FSTL4: variants seen among roughly 807,000 people sequenced by gnomAD.
FSTL4 encodes follistatin like 4.
In FSTL4, 28 loss-of-function variants were observed where a neutral mutation model predicts 78.2. That is an observed-to-expected ratio of 0.36 (90% CI 0.27 to 0.49). The LOEUF (loss-of-function observed/expected upper bound fraction) is 0.49, where lower values mean the gene tolerates loss of function less well. Among genes scored for constraint, FSTL4 ranks in the 20% least tolerant of loss-of-function variants. FSTL4 has a pLI of 0.98. For missense variants in FSTL4, 922 were observed against 1,084.9 expected, an observed-to-expected ratio of 0.85 and a Z score of 2.11; for synonymous variants, 422 against 440.5, an observed-to-expected ratio of 0.96 and a Z score of 0.53.
the FSTL4 span, among the ~76,000 whole-genome samples, chr5:133,753,901 A>C: frequency 6.6e-6 from 1 of 152,178 alleles, no homozygotes; most frequent in Non-Finnish European, 1.5e-5. Context: ...TTCAAGTCCC[A>C]GTTATGCCCC....
chr5:133,245,703 C>T (rs1752020956), intron 7 of FSTL4, among the ~76,000 whole-genome samples: 1 of 152,164 alleles, frequency 6.6e-6, no homozygotes, highest in Non-Finnish European at 1.5e-5. Context: ...TGATGACTCC[C>T]CATGTACGCC....
chr5:133,777,572 G>A, the FSTL4 span, among the ~76,000 whole-genome samples: 3 of 152,132 alleles, frequency 2.0e-5, no homozygotes, highest in African/African-American at 7.2e-5. Flanking sequence ...GACAATCACT[G>A]TTTTCAGTTT....
At chr5:133,757,789 A>C in the FSTL4 span, among the ~76,000 whole-genome samples, 3 of 152,178 alleles carry the variant, frequency 2.0e-5, no homozygotes, top group African/African-American at 7.2e-5. Flanking sequence ...TTTCCACATA[A>C]ATTTGAATGT....
intron 3 of FSTL4, among the ~76,000 whole-genome samples, chr5:133,461,667 C>T (rs554487357): frequency 6.6e-6 from 1 of 152,286 alleles, no homozygotes; most frequent in Non-Finnish European, 1.5e-5. Flanking sequence ...ATATTTTTCA[C>T]TCCAGTGACC....
the FSTL4 span, among the ~76,000 whole-genome samples, chr5:133,661,526 T>C: frequency 2.3e-3 from 347 of 152,352 alleles, 1 homozygote; most frequent in African/African-American, 7.8e-3. Context: ...GTGTCAGCAT[T>C]AAACATTAGT....
At chr5:133,403,704 T>C (rs149494734) in intron 3 of FSTL4, among the ~76,000 whole-genome samples, 6 of 152,224 alleles carry the variant, frequency 3.9e-5, no homozygotes, top group Non-Finnish European at 8.8e-5. Flanking sequence ...AAGATGGATG[T>C]CCGTGGAGGT....
At chr5:133,756,723 G>C in the FSTL4 span, among the ~76,000 whole-genome samples, 2 of 152,156 alleles carry the variant, frequency 1.3e-5, no homozygotes, top group South Asian at 4.1e-4. Flanking sequence ...CATTGGTGCT[G>C]TCTGGACATA....
At chr5:133,768,739 G>T in the FSTL4 span, among the ~76,000 whole-genome samples, 33 of 152,334 alleles carry the variant, frequency 2.2e-4, no homozygotes, top group Admixed American at 8.5e-4. Flanking sequence ...CAGCAGAAAG[G>T]TTACCCTGAA....
rs56209403 is a variant in FSTL4, at chr5:133,287,387, C to CAAA, written c.727+25264_727+25266dup. Reference sequence around the variant, plus strand: ...TGGGTGACAGAGCGAGACTCCATCTCAAAAAAAAAAAAAAAAATGCTTTGT... The same window carrying CAAA: ...TGGGTGACAGAGCGAGACTCCATCTCAAAAAAAAAAAAAAAAAAAATGCTTTGT... On this transcript the variant is annotated intron_variant, in intron 6 of 15. Coordinates refer to ENST00000265342, the MANE Select transcript of FSTL4 (RefSeq NM_015082.2). Among the ~76,000 whole-genome samples the CAAA allele has an allele frequency of 9.3e-4, 96 of 103,076 alleles. 3 individuals are homozygous for CAAA. The highest frequency in any genetic ancestry group is 2.4e-3 in the African/African-American group (78 of 31,912). 67.6% of individuals were successfully genotyped at this position (103,076 alleles called of 152,430 possible). A position where few individuals can be genotyped will look rare whatever the true frequency, so the allele number is the denominator to read the frequency against.
chr5:133,439,331 CG>C (rs1439656178), intron 3 of FSTL4, among the ~76,000 whole-genome samples: 6 of 152,042 alleles, frequency 3.9e-5, no homozygotes, highest in Non-Finnish European at 8.8e-5. Flanking sequence ...TTGACATGAC[CG>C]GGCCCAAACT....
intron 2 of FSTL4, among the ~76,000 whole-genome samples, chr5:133,571,089 G>C (rs1298584325): frequency 6.6e-6 from 1 of 151,478 alleles, no homozygotes; most frequent in African/African-American, 2.4e-5. Flanking sequence ...AAGTTAAAAA[G>C]TAGCCTTGAA....
At chr5:133,366,342 T>C in intron 4 of FSTL4, among the ~76,000 whole-genome samples, 1 of 152,198 alleles carries the variant, frequency 6.6e-6, no homozygotes, top group Admixed American at 6.5e-5. Context: ...CTTTTCTTTA[T>C]GGTCTTTACC....
At chr5:133,333,227 AG>A (rs1213517395) in intron 4 of FSTL4, among the ~76,000 whole-genome samples, 1 of 152,186 alleles carries the variant, frequency 6.6e-6, no homozygotes, top group African/African-American at 2.4e-5. Flanking sequence ...GCAGGGATAA[AG>A]GTTTTGGAAT....
chr5:133,671,073 C>A, the FSTL4 span, among the ~76,000 whole-genome samples: 1 of 152,138 alleles, frequency 6.6e-6, no homozygotes, highest in Admixed American at 6.5e-5. Flanking sequence ...TCTTGGTTTC[C>A]TGCCTGCTCC....
chr5:133,771,135 A>G, the FSTL4 span, among the ~76,000 whole-genome samples: 8 of 152,120 alleles, frequency 5.3e-5, no homozygotes, highest in African/African-American at 1.7e-4. Context: ...GCCTTGTAAT[A>G]TAATTTGAAG....
chr5:133,210,469 CATT>C (rs72224529), intron 13 of FSTL4, among the ~76,000 whole-genome samples, 171 bp from the exon 14 acceptor site: 11,545 of 145,382 alleles, frequency 0.079, 1,401 homozygotes, highest in African/African-American at 0.28. Flanking sequence ...TTCTCAGAGG[CATT>C]ATTATTATTA....
intron 3 of FSTL4, among the ~76,000 whole-genome samples, chr5:133,453,603 C>T (rs548532686): frequency 6.6e-6 from 1 of 152,310 alleles, no homozygotes; most frequent in East Asian, 1.9e-4. Context: ...CCAAGGCTGT[C>T]AACTTGGAGA....
At position 133,225,428 on chromosome 5, in the gene FSTL4, C is replaced by T. The variant is rs897413085; in HGVS notation, c.1178-144G>A. ...ATACGCCCAGGAAGGGCTGGCACAT[C>T]TGAAATGCACTGAGGGTGAGCTGGA... On this transcript the variant is annotated intron_variant, in intron 9 of 15. Coordinates refer to ENST00000265342, the MANE Select transcript of FSTL4 (RefSeq NM_015082.2). The surrounding 1 kb of genome is among the most constrained non-coding windows in gnomAD (Gnocchi z 4.6). The T allele has an allele frequency of 5.1e-6, 5 of 980,752 alleles. No individual in the cohort carries two copies. The highest frequency in any genetic ancestry group is 2.3e-5 in the Admixed American group (1 of 43,842). The allele number at this position is 980,752 out of a possible 1,614,324, so 60.8% of individuals were successfully genotyped here.
the FSTL4 span, among the ~76,000 whole-genome samples, chr5:133,826,130 T>TG: frequency 5.3e-5 from 8 of 152,154 alleles, no homozygotes; most frequent in Non-Finnish European, 8.8e-5. Flanking sequence ...GCTCCATGGC[T>TG]GGGGACTCCA....
Sources: gnomAD v4.1 joint callset for allele counts (sites outside exome capture counted in the v4.1 genomes callset) on GRCh38, gnomAD v4.1.1 for gene constraint, Gnocchi (gnomAD v3.1) non-coding constraint, MANE v1.5 for transcripts, NCBI Gene and HGNC (gene_info 2026-07-23, HGNC 2026-07-21) for gene names.